Variants in AK7 observed in about 807,000 individuals in gnomAD.
The protein encoded by AK7 is ATP-AMP transphosphorylase 7.
Under a neutral mutation model 96.6 loss-of-function variants are expected in AK7, and 78 were observed. The ratio of observed to expected loss-of-function variants is 0.81; its 90% CI spans 0.67 to 0.97. The LOEUF is 0.97. Ranked by LOEUF, AK7 falls within the 50% of genes least tolerant of loss-of-function variation. The pLI is 0.00. For missense variants in AK7, 855 were observed against 887.9 expected, an observed-to-expected ratio of 0.96 and a Z score of 0.47; for synonymous variants, 302 against 317.2, an observed-to-expected ratio of 0.95 and a Z score of 0.51.
intron 17 of AK7, chr14:96,488,080 T>A (rs190121373): frequency 4.7e-6 from 2 of 423,258 alleles, no homozygotes; most frequent in South Asian, 2.4e-5. Flanking sequence ...ACTCAGCTAA[T>A]GTTTTGTATT....
chr14:96,476,720 A>T (rs1895208640), intron 14 of AK7, among the ~76,000 whole-genome samples: 1 of 152,180 alleles, frequency 6.6e-6, no homozygotes, highest in African/African-American at 2.4e-5. Context: ...ACATTTTTTT[A>T]AAAATCATCT....
chr14:96,448,417 G>A (rs1031455661), intron 8 of AK7, among the ~76,000 whole-genome samples: 3 of 151,806 alleles, frequency 2.0e-5, no homozygotes, highest in African/African-American at 4.8e-5. Context: ...AATCACCTCA[G>A]GCCAGGAGTC....
At chr14:96,482,888 G>A (rs747931362) in intron 15 of AK7, 111 bp from the exon 16 acceptor site, 18 of 1,065,288 alleles carry the variant, frequency 1.7e-5, no homozygotes, top group Non-Finnish European at 2.5e-5. Flanking sequence ...AAAACCCTAT[G>A]TGGTAATTTA....
At position 96,464,933 on chromosome 14, in the gene AK7, A is replaced by G. The variant is rs376245340; in HGVS notation, c.1358-6545A>G. ...TCAAGATGGAGTCACTCCGGTTAGG[A>G]CAAAGGATATTCATGACCAAGTCTC... On this transcript the variant is annotated intron_variant, in intron 12 of 17. Coordinates refer to ENST00000267584, the MANE Select transcript of AK7 (RefSeq NM_152327.5). 5.3e-5 allele frequency among the ~76,000 whole-genome samples: 8 copies of G among 152,324 alleles called. No homozygotes were observed. The South Asian group carries it at 1.0e-3, about 20-fold the overall frequency.
intron 4 of AK7, among the ~76,000 whole-genome samples, chr14:96,410,259 A>G (rs1411939831): frequency 6.6e-6 from 1 of 152,162 alleles, no homozygotes; most frequent in Non-Finnish European, 1.5e-5. Flanking sequence ...GGAGCAGGTC[A>G]TGGTCATTTT....
Position 96,451,532 on chromosome 14 carries a change from A to G in AK7, c.1060A>G (p.Thr354Ala), listed in dbSNP as rs1893606387. 2 of 1,594,268 alleles carry G rather than the reference A, an allele frequency of 1.3e-6. No homozygotes were observed. Residue 354 changes from threonine to alanine, a missense_variant, in exon 10 of 18, where the codon ACT (threonine) becomes GCT (alanine). Transcript: ENST00000267584. ...AACAGGATTTGTGGAAAATATCAAC[A>G]CTATCCTCAAGGAGTACAAGCAAAG... ...AQTGFVENIN[T>A]ILKEYKQSRG...
intron 14 of AK7, 48 bp downstream of exon 14, chr14:96,472,803 T>C (rs2140158391): frequency 1.3e-6 from 2 of 1,508,046 alleles, no homozygotes; most frequent in African/African-American, 1.4e-5. Context: ...TTCTCTGGGC[T>C]GGGCGTGGTG....
chr14:96,450,813 C>A (rs1449967733), intron 9 of AK7, among the ~76,000 whole-genome samples: 1 of 124,458 alleles, frequency 8.0e-6, no homozygotes, highest in South Asian at 2.5e-4. Flanking sequence ...CTCACTCTGT[C>A]GTCCAGGCTG....
intron 6 of AK7, among the ~76,000 whole-genome samples, chr14:96,439,221 C>T (rs1185057557): frequency 1.3e-5 from 2 of 151,726 alleles, no homozygotes; most frequent in Non-Finnish European, 2.9e-5. Context: ...ACATCAACTA[C>T]TGAATGAATA....
intron 1 of AK7, among the ~76,000 whole-genome samples, chr14:96,395,465 A>C (rs1247993095): frequency 1.3e-5 from 2 of 152,082 alleles, no homozygotes; most frequent in African/African-American, 2.4e-5. Flanking sequence ...GAAGTGGATG[A>C]GTGGACCTAC....
chr14:96,479,312 C>T (rs1479315132), intron 15 of AK7, among the ~76,000 whole-genome samples: 2 of 151,702 alleles, frequency 1.3e-5, no homozygotes, highest in Admixed American at 6.6e-5. Flanking sequence ...CTCCTGACCT[C>T]GTGATCTGCC....
At chr14:96,453,806 T>C (rs1893738571) in intron 10 of AK7, among the ~76,000 whole-genome samples, 1 of 152,166 alleles carries the variant, frequency 6.6e-6, no homozygotes, top group Non-Finnish European at 1.5e-5. Flanking sequence ...AGTGAGCCCA[T>C]GCCAGGAGAA....
chr14:96,451,543 G>T lies in AK7; in HGVS notation c.1071G>T (p.Lys357Asn). The change falls in exon 10 of 18, where the codon AAG (lysine) becomes AAT (asparagine). Residue 357 changes from lysine to asparagine, a missense_variant. Coordinates refer to ENST00000267584, the MANE Select transcript of AK7 (RefSeq NM_152327.5). Reference protein sequence around the residue: ...GFVENINTILKEYKQSRGLMP... With the variant: ...GFVENINTILNEYKQSRGLMP... The stretch of plus-strand genomic sequence containing the variant: ...TGGAAAATATCAACACTATCCTCAA[G>T]GAGTACAAGCAAAGCAGAGGATTGA... The T allele has an allele frequency of 6.3e-7, 1 of 1,576,376 alleles. No individual in the cohort carries two copies. Among genetic ancestry groups the T allele is most frequent in the Non-Finnish European group, 8.6e-7 (1 of 1,158,768 alleles).
intron 12 of AK7, 31 bp downstream of exon 12, chr14:96,458,243 C>T: frequency 1.9e-6 from 3 of 1,596,074 alleles, no homozygotes; most frequent in Non-Finnish European, 2.6e-6. Context: ...AGCCACGCTG[C>T]TCTTGTGAAC....
At chr14:96,409,130 G>A (rs1171970663) in intron 4 of AK7, among the ~76,000 whole-genome samples, 189 bp downstream of exon 4, 2 of 152,134 alleles carry the variant, frequency 1.3e-5, no homozygotes, top group Non-Finnish European at 2.9e-5. Context: ...TGTTTTATAT[G>A]CCTCTAAGAA....
At chr14:96,459,972 A>G in intron 12 of AK7, among the ~76,000 whole-genome samples, 1 of 152,232 alleles carries the variant, frequency 6.6e-6, no homozygotes, top group South Asian at 2.1e-4. Flanking sequence ...ATTCTTACTC[A>G]GTGATTCATT....
intron 10 of AK7, among the ~76,000 whole-genome samples, chr14:96,454,940 G>A (rs924605768): frequency 6.6e-6 from 1 of 152,046 alleles, no homozygotes; most frequent in Non-Finnish European, 1.5e-5. Flanking sequence ...CGAGGCGGGT[G>A]GATCACCTGA....
chr14:96,452,736 G>T lies in AK7; in HGVS notation c.1098+1166G>T, dbSNP rs556456600. On this transcript the variant is annotated intron_variant, in intron 10 of 17. Coordinates refer to ENST00000267584, the MANE Select transcript of AK7 (RefSeq NM_152327.5). The stretch of plus-strand genomic sequence containing the variant: ...GGCAGTGGCAGGATCTCGGCTCACT[G>T]CAACCTCTGCCTCCCAGGTTCAAGT... Among the ~76,000 whole-genome samples, 13 of 151,906 alleles carry T rather than the reference G, an allele frequency of 8.6e-5. No individual in the cohort carries two copies. The South Asian group carries it at 2.7e-3, about 32-fold the overall frequency.
chr14:96,452,111 T>A (rs1278505537), intron 10 of AK7, among the ~76,000 whole-genome samples: 1 of 152,150 alleles, frequency 6.6e-6, no homozygotes, highest in Non-Finnish European at 1.5e-5. Context: ...TATTCTTTTT[T>A]AAAAAAGTAA....
Sources: gnomAD v4.1 joint callset for allele counts (sites outside exome capture counted in the v4.1 genomes callset) on GRCh38, gnomAD v4.1.1 for gene constraint, MANE v1.5 for transcripts, NCBI Gene and HGNC (gene_info 2026-07-23, HGNC 2026-07-21) for gene names.